MTAP: variants seen among roughly 807,000 people sequenced by gnomAD.
The protein encoded by MTAP is S-methyl-5'-thioadenosine phosphorylase.
MTAP carries 33 observed loss-of-function variants against 33.6 expected under a neutral mutation model. That is an observed-to-expected ratio of 0.98 (90% confidence interval 0.74 to 1.31). MTAP has a LOEUF of 1.31. Ranked by LOEUF, MTAP falls within the 40% of genes most tolerant of loss-of-function variation. The pLI, the probability that MTAP is intolerant of heterozygous loss-of-function variation, is 0.00. For synonymous variants in MTAP, 148 were observed against 125.7 expected, an observed-to-expected ratio of 1.18 and a Z score of -1.19; for missense variants, 367 against 360.0, an observed-to-expected ratio of 1.02 and a Z score of -0.16.
intron 4 of MTAP, among the ~76,000 whole-genome samples, chr9:21,826,431 G>A (rs949426015): frequency 8.6e-5 from 13 of 151,290 alleles, no homozygotes; most frequent in African/African-American, 2.7e-4. Context: ...GTGTCATTTA[G>A]TGTCTTCTCC....
At chr9:21,836,735 G>A (rs1337639423) in intron 4 of MTAP, among the ~76,000 whole-genome samples, 1 of 152,194 alleles carries the variant, frequency 6.6e-6, no homozygotes, top group African/African-American at 2.4e-5. Context: ...ATGACAGTGG[G>A]TTGGGAGGAG....
chr9:21,832,671 G>A (rs1022974693), intron 4 of MTAP, among the ~76,000 whole-genome samples: 6 of 152,170 alleles, frequency 3.9e-5, no homozygotes, highest in East Asian at 1.9e-4. Context: ...TCATTCTTAC[G>A]TTCTGTTCCA....
chr9:21,917,400 T>C lies in MTAP; in HGVS notation c.148-13608T>C, dbSNP rs527969400. Among the ~76,000 whole-genome samples the C allele has an allele frequency of 3.9e-5, 6 of 152,298 alleles. No homozygotes were observed. The East Asian group carries it at 1.2e-3, about 29-fold the overall frequency. ...CGAAAGCAAGGCCTACCCTGGGTAC[T>C]GCAATGTTAGTAGGTCAAGGAAAAG... On this transcript the variant is annotated intron_variant, in intron 1 of 1. Transcript: ENST00000577563.
chr9:21,882,670 ATATCTC>A (rs1818034094), intron 1 of MTAP, among the ~76,000 whole-genome samples: 1 of 152,086 alleles, frequency 6.6e-6, no homozygotes, highest in South Asian at 2.1e-4. Context: ...TAATCAGAAA[ATATCTC>A]TATACATTCT....
At chr9:21,903,520 A>G (rs1818424352) in intron 1 of MTAP, among the ~76,000 whole-genome samples, 1 of 152,034 alleles carries the variant, frequency 6.6e-6, no homozygotes, top group African/African-American at 2.4e-5. Flanking sequence ...TAACATCATT[A>G]AAACCACTTC....
intron 7 of MTAP, chr9:21,861,343 A>G (rs1159638461): frequency 6.6e-6 from 1 of 152,412 alleles, no homozygotes; most frequent in Non-Finnish European, 1.5e-5. Context: ...ACACACATAC[A>G]TACATATACA....
At chr9:21,804,258 T>C (rs551613337) in intron 1 of MTAP, among the ~76,000 whole-genome samples, 1 of 152,336 alleles carries the variant, frequency 6.6e-6, no homozygotes, top group South Asian at 2.1e-4. Context: ...TATTAAGTTA[T>C]TGTGTTAGGT....
At position 21,865,015 on chromosome 9, in the gene MTAP, G is replaced by T; in HGVS notation, c.*3001G>T. ...TTTGATAAGGTTTCAAGGAGTATCT[G>T]ATGGGTTAGGAAGTCACGAAATGAG... On this transcript the variant is annotated 3_prime_UTR_variant, in exon 8 of 8. Coordinates refer to ENST00000644715, the MANE Select transcript of MTAP (RefSeq NM_002451.4). The T allele has an allele frequency of 1.0e-6, 1 of 985,470 alleles. No homozygotes were observed. Among genetic ancestry groups the T allele is most frequent in the Non-Finnish European group, 1.2e-6 (1 of 829,952 alleles). The allele number at this position is 985,470 out of a possible 1,614,324, so 61.0% of individuals were successfully genotyped here. A position where few individuals can be genotyped will look rare whatever the true frequency, so the allele number is the denominator to read the frequency against.
rs182889608 is a variant in MTAP at position 21,820,524 on chromosome 9, C to A, written c.347+2322C>A. Reference sequence around the variant, plus strand: ...TATATCTGTTTTGGTACCAGTACCACGCTGTTTTGGTGACTGTAGCCTTGT... The same window carrying A: ...TATATCTGTTTTGGTACCAGTACCAAGCTGTTTTGGTGACTGTAGCCTTGT... On this transcript the variant is annotated intron_variant, in intron 4 of 7. Transcript: ENST00000644715. Among the ~76,000 whole-genome samples the A allele has an allele frequency of 2.0e-5, 3 of 152,234 alleles. No individual in the cohort carries two copies. The East Asian group carries it at 5.8e-4, about 29-fold the overall frequency.
In MTAP at chr9:21,863,107, G is replaced by T. The variant is rs1825785660; in HGVS notation, c.*1093G>T. On this transcript the variant is annotated 3_prime_UTR_variant, in exon 8 of 8. Coordinates refer to ENST00000644715, the MANE Select transcript of MTAP (RefSeq NM_002451.4). ...GTACTTGGGTTTGCAACAGCTTTCTGAGAAAAGCTAGGTGTTTAATAGTTT... is the reference window on the plus strand; with the variant it reads ...GTACTTGGGTTTGCAACAGCTTTCTTAGAAAAGCTAGGTGTTTAATAGTTT... 4 of 983,630 alleles carry T rather than the reference G, an allele frequency of 4.1e-6. No individual in the cohort carries two copies. Among genetic ancestry groups the T allele is most frequent in the African/African-American group, 1.8e-5 (1 of 57,074 alleles). 60.9% of individuals were successfully genotyped at this position (983,630 alleles called of 1,614,324 possible).
chr9:21,896,859 G>A (rs1433450076), intron 1 of MTAP, among the ~76,000 whole-genome samples: 1 of 152,152 alleles, frequency 6.6e-6, no homozygotes, highest in African/African-American at 2.4e-5. Context: ...AGAAAAAGAG[G>A]GAATCCTCCC....
rs938619287 is a variant in MTAP at position 21,862,965 on chromosome 9, T to C, written c.*951T>C. On this transcript the variant is annotated 3_prime_UTR_variant, in exon 8 of 8. Transcript: ENST00000644715. ...AGAAAGATCCAGTTCTTGAAAACAC[T>C]GTTTCTGGTAATGAAGCAGAATTTA... 2 of 983,924 alleles carry C rather than the reference T, an allele frequency of 2.0e-6. No homozygotes were observed. The highest frequency in any genetic ancestry group is 2.4e-6 in the Non-Finnish European group (2 of 828,588). 60.9% of individuals were successfully genotyped at this position (983,924 alleles called of 1,614,324 possible). A position where few individuals can be genotyped will look rare whatever the true frequency, so the allele number is the denominator to read the frequency against.
intron 1 of MTAP, among the ~76,000 whole-genome samples, chr9:21,919,057 T>A (rs930129340): frequency 1.3e-5 from 2 of 152,156 alleles, no homozygotes; most frequent in Non-Finnish European, 2.9e-5. Flanking sequence ...GAACTAAGAA[T>A]TGAGCATTCA....
chr9:21,894,307 G>A (rs1818252596), intron 1 of MTAP, among the ~76,000 whole-genome samples: 1 of 151,076 alleles, frequency 6.6e-6, no homozygotes, highest in African/African-American at 2.4e-5. Context: ...ATACTCAACA[G>A]GCAAAAGCTG....
chr9:21,822,296 T>C (rs1049839369), intron 4 of MTAP, among the ~76,000 whole-genome samples: 30 of 152,246 alleles, frequency 2.0e-4, no homozygotes, highest in Non-Finnish European at 1.0e-4. Flanking sequence ...TACACACTGC[T>C]TTAAATGTGT....
downstream of MTAP, chr9:21,932,092 G>A (rs1818969758): frequency 6.6e-6 from 1 of 152,058 alleles, no homozygotes; most frequent in African/African-American, 2.4e-5. Flanking sequence ...AATGTACGTT[G>A]ACTGACTTAA....
At chr9:21,916,784 G>A (rs904737583) in intron 1 of MTAP, among the ~76,000 whole-genome samples, 4 of 152,178 alleles carry the variant, frequency 2.6e-5, no homozygotes, top group Admixed American at 2.6e-4. Context: ...TTCGTAGAGA[G>A]CAAGGCACTG....
At chr9:21,924,648 T>C (rs1818838252) in intron 1 of MTAP, among the ~76,000 whole-genome samples, 1 of 152,200 alleles carries the variant, frequency 6.6e-6, no homozygotes, top group African/African-American at 2.4e-5. Context: ...GCTCAAGCCC[T>C]GGAGGAACCA....
At chr9:21,826,183 AT>A (rs1824794148) in intron 4 of MTAP, among the ~76,000 whole-genome samples, 1 of 118,146 alleles carries the variant, frequency 8.5e-6, no homozygotes, top group South Asian at 2.6e-4. Context: ...TCAAGAGAAC[AT>A]TTTCTTTTTT....
Sources: allele counts gnomAD v4.1 joint callset (sites outside exome capture counted in the v4.1 genomes callset), GRCh38; gene constraint gnomAD v4.1.1; transcripts MANE v1.5; gene names NCBI Gene and HGNC (gene_info 2026-07-23, HGNC 2026-07-21).